CIZ1: variants seen among roughly 807,000 people sequenced by gnomAD.
CIZ1 encodes the protein cip1-interacting zinc finger protein.
Under a neutral mutation model 118.6 loss-of-function variants are expected in CIZ1, and 58 were observed. That is an observed-to-expected ratio of 0.49 (90% CI 0.40 to 0.61). The LOEUF (loss-of-function observed/expected upper bound fraction) is 0.61, where lower values mean the gene tolerates loss of function less well. Among genes scored for constraint, CIZ1 ranks in the 20% least tolerant of loss-of-function variants. CIZ1 has a pLI of 0.00. For missense variants in CIZ1, 921 were observed against 1,115.9 expected, an observed-to-expected ratio of 0.83 and a Z score of 2.49; for synonymous variants, 448 against 443.4, an observed-to-expected ratio of 1.01 and a Z score of -0.13.
chr9:128,190,205 G>T, intron 3 of CIZ1, 124 bp downstream of exon 3: 1 of 687,096 alleles, frequency 1.5e-6, no homozygotes. Context: ...GTCCTCATGA[G>T]TGAACTAGGA....
chr9:128,180,997 G>A (rs896594081), intron 5 of CIZ1, among the ~76,000 whole-genome samples, 183 bp from the exon 6 acceptor site: 2 of 152,180 alleles, frequency 1.3e-5, no homozygotes, highest in Non-Finnish European at 2.9e-5. Context: ...GGTGTCTAGG[G>A]GATTCTACCT....
At chr9:128,193,295 G>A (rs918299611), upstream of CIZ1, among the ~76,000 whole-genome samples, 3 of 152,180 alleles carry the variant, frequency 2.0e-5, no homozygotes, top group African/African-American at 7.2e-5. Context: ...TCCTCTAAGG[G>A]TAGGGAGCAC....
chr9:128,180,779 C>A lies in CIZ1; in HGVS notation c.624G>T (p.Lys208Asn). The change falls in exon 6 of 17, where the codon AAG becomes AAT. Residue 208 changes from lysine to asparagine, a missense_variant. Physicochemically the swap from Lys to Asn is moderately conservative, Grantham distance 94. Transcript: ENST00000372938. Reference protein sequence around the residue: ...SSSQTMPVEDKSDPPEGSEEA... With the variant: ...SSSQTMPVEDNSDPPEGSEEA... ...CCTCAGACCCCTCTGGGGGGTCTGACTTGTCTTCCACAGGCATTGTCTGAG... is the reference window on the plus strand; with the variant it reads ...CCTCAGACCCCTCTGGGGGGTCTGAATTGTCTTCCACAGGCATTGTCTGAG... 6.2e-7 allele frequency: 1 copy of A among 1,611,718 alleles called. No homozygotes were observed. Among genetic ancestry groups the A allele is most frequent in the Non-Finnish European group, 8.5e-7 (1 of 1,179,362 alleles).
chr9:128,177,882 C>T, intron 9 of CIZ1, 119 bp from the exon 10 acceptor site: 1 of 735,092 alleles, frequency 1.4e-6, no homozygotes, highest in East Asian at 2.8e-5. Flanking sequence ...GAAACTGAGG[C>T]TCTGAGCTGT....
chr9:128,191,255 A>G lies in CIZ1; in HGVS notation c.-6+177T>C. 1 of 230,910 alleles carries G rather than the reference A, an allele frequency of 4.3e-6. No homozygotes were observed. Among genetic ancestry groups the G allele is most frequent in the Non-Finnish European group, 8.3e-6 (1 of 120,246 alleles). 14.3% of individuals were successfully genotyped at this position (230,910 alleles called of 1,614,324 possible). On this transcript the variant is annotated intron_variant, in intron 1 of 16. Coordinates refer to ENST00000372938, the MANE Select transcript of CIZ1 (RefSeq NM_001131016.2). The surrounding 1 kb of genome is among the most constrained non-coding windows in gnomAD (Gnocchi z 5.5). ...CTCTGGGCCCCCGGGTGTCAATAAC[A>G]TCGGCACCCGTCCAACCCGGTCACC...
At chr9:128,190,508 G>C (rs2131027113) in intron 2 of CIZ1, 64 bp from the exon 3 acceptor site, 2 of 1,405,110 alleles carry the variant, frequency 1.4e-6, no homozygotes, top group South Asian at 1.2e-5. Context: ...CTTCCCCAAG[G>C]CTTCTCACCT....
chr9:128,177,808 T>C (rs553063636), intron 9 of CIZ1, 45 bp from the exon 10 acceptor site: 39 of 1,359,998 alleles, frequency 2.9e-5, no homozygotes, highest in African/African-American at 8.7e-5. Flanking sequence ...TGTGTACTTA[T>C]AGTGGGCCAG....
At chr9:128,181,778 G>T (rs138170923) in intron 5 of CIZ1, among the ~76,000 whole-genome samples, 35 of 138,020 alleles carry the variant, frequency 2.5e-4, no homozygotes, top group African/African-American at 9.9e-4. Context: ...GGGGGGGGGG[G>T]GGTCTCCCTT....
At chr9:128,200,942 C>T (rs1359992909) in intron 1 of CIZ1, among the ~76,000 whole-genome samples, 2 of 151,156 alleles carry the variant, frequency 1.3e-5, no homozygotes, top group South Asian at 2.1e-4. Context: ...GAGACCATCC[C>T]GGCCGACATG....
chr9:128,172,729 G>C (rs1489346336), intron 11 of CIZ1, among the ~76,000 whole-genome samples: 1 of 152,108 alleles, frequency 6.6e-6, no homozygotes, highest in Non-Finnish European at 1.5e-5. Flanking sequence ...GAAGAACTAG[G>C]TCAAAATGTA....
At chr9:128,170,645 A>AC (rs1275400850) in intron 11 of CIZ1, among the ~76,000 whole-genome samples, 2 of 151,872 alleles carry the variant, frequency 1.3e-5, no homozygotes, top group Non-Finnish European at 2.9e-5. Flanking sequence ...ACAGGGTGAG[A>AC]CCCCCATCTC....
upstream of CIZ1, among the ~76,000 whole-genome samples, chr9:128,195,012 G>A (rs932556209): frequency 6.6e-6 from 1 of 151,936 alleles, no homozygotes; most frequent in African/African-American, 2.4e-5. Context: ...TTAAAGACAG[G>A]GGTCTCACTA....
At chr9:128,189,862 C>T (rs982270858) in intron 3 of CIZ1, among the ~76,000 whole-genome samples, 1 of 131,282 alleles carries the variant, frequency 7.6e-6, no homozygotes, top group Admixed American at 8.0e-5. Context: ...AAAAAAGGAG[C>T]AGCATCTTGG....
At position 128,181,771 on chromosome 9, in the gene CIZ1, G is replaced by C. The variant is rs918199778; in HGVS notation, c.589-957C>G. On this transcript the variant is annotated intron_variant, in intron 5 of 16. Transcript: ENST00000372938. ...TTAGCAGACCAGGAAAGGCGGGGGG[G>C]GGGGGGGGGTCTCCCTTTCCCCGAG... Among the ~76,000 whole-genome samples, 32 of 151,694 alleles carry C rather than the reference G, an allele frequency of 2.1e-4. 1 individual carries two copies. Among genetic ancestry groups the C allele is most frequent in the African/African-American group, 7.5e-4 (31 of 41,368 alleles).
chr9:128,168,030 C>T (rs906094409), intron 14 of CIZ1, among the ~76,000 whole-genome samples: 4 of 152,180 alleles, frequency 2.6e-5, no homozygotes, highest in South Asian at 2.1e-4. Context: ...CCCACCACAA[C>T]GCTTCCTCCC....
At chr9:128,200,941 C>T (rs1833497810) in intron 1 of CIZ1, among the ~76,000 whole-genome samples, 1 of 151,990 alleles carries the variant, frequency 6.6e-6, no homozygotes, top group South Asian at 2.1e-4. Context: ...CGAGACCATC[C>T]CGGCCGACAT....
At chr9:128,183,292 C>T (rs1224950245) in intron 5 of CIZ1, among the ~76,000 whole-genome samples, 2 of 152,244 alleles carry the variant, frequency 1.3e-5, no homozygotes, top group African/African-American at 4.8e-5. Context: ...GCTCTGGGTC[C>T]ACCTAGACAG....
intron 4 of CIZ1, among the ~76,000 whole-genome samples, chr9:128,186,955 T>C (rs1179238723): frequency 6.6e-6 from 1 of 151,610 alleles, no homozygotes; most frequent in Non-Finnish European, 1.5e-5. Context: ...TTTTTTTTTT[T>C]TTGAGAGGGA....
intron 14 of CIZ1, chr9:128,167,510 G>A (rs1173319974): frequency 2.2e-5 from 5 of 225,652 alleles, no homozygotes; most frequent in African/African-American, 1.2e-4. Context: ...TTACTAAGAA[G>A]AAACTGAGGC....
Sources: allele counts gnomAD v4.1 joint callset (sites outside exome capture counted in the v4.1 genomes callset), GRCh38; gene constraint gnomAD v4.1.1; non-coding constraint Gnocchi (gnomAD v3.1); transcripts MANE v1.5; gene names NCBI Gene and HGNC (gene_info 2026-07-23, HGNC 2026-07-21).